The following GLI2 variants were observed in gnomAD, a reference collection of about 807,000 sequenced individuals.
GLI2 encodes the protein GLI family zinc finger 2, also known as transcription activator GLI2.
Under a neutral mutation model 78.9 loss-of-function variants are expected in GLI2, and 22 were observed. That is an observed-to-expected ratio of 0.28 (90% confidence interval 0.20 to 0.40). The LOEUF is 0.40. Ranked by LOEUF, GLI2 falls within the 10% of genes least tolerant of loss-of-function variation. The pLI is 1.00. For missense variants in GLI2, 2,097 were observed against 2,213.2 expected (o/e 0.95, Z 1.05); for synonymous variants, 974 against 963.7 (o/e 1.01, Z -0.20).
At chr2:120,745,256 T>C (rs2104625715) in intron 1 of GLI2, among the ~76,000 whole-genome samples, 1 of 152,360 alleles carries the variant, frequency 6.6e-6, no homozygotes, top group East Asian at 1.9e-4. Context: ...TCCTTTCTTT[T>C]TCCATGTAAG....
At chr2:120,841,840 G>T (rs1400232090) in intron 2 of GLI2, among the ~76,000 whole-genome samples, 1 of 101,254 alleles carries the variant, frequency 9.9e-6, no homozygotes, top group Non-Finnish European at 2.1e-5. Context: ...TTGCAAGCCA[G>T]TCTGGAGGGT....
intron 1 of GLI2, among the ~76,000 whole-genome samples, chr2:120,765,653 C>A (rs889757646): frequency 6.6e-6 from 1 of 152,252 alleles, no homozygotes; most frequent in African/African-American, 2.4e-5. Context: ...CTGACGCCCC[C>A]TCCATCAGGA....
chr2:120,900,134 G>A (rs1379468737), intron 2 of GLI2, among the ~76,000 whole-genome samples: 1 of 152,196 alleles, frequency 6.6e-6, no homozygotes, highest in Non-Finnish European at 1.5e-5. Flanking sequence ...GGGGGTGGGA[G>A]GGTGGTTACA....
chr2:120,877,336 G>A (rs183943923), intron 2 of GLI2, among the ~76,000 whole-genome samples: 19 of 152,256 alleles, frequency 1.2e-4, no homozygotes, highest in Admixed American at 1.2e-3. Flanking sequence ...TTTTGATGTG[G>A]CTTCAAAATG....
intron 2 of GLI2, among the ~76,000 whole-genome samples, chr2:120,834,418 C>T (rs1007153101): frequency 1.3e-5 from 2 of 152,148 alleles, no homozygotes; most frequent in South Asian, 2.1e-4. Context: ...AGACCTGGCC[C>T]TGGGGTGTTA....
chr2:120,798,121 C>T (rs1333738622), intron 2 of GLI2, among the ~76,000 whole-genome samples: 1 of 152,224 alleles, frequency 6.6e-6, no homozygotes, highest in Non-Finnish European at 1.5e-5. Flanking sequence ...CTATTTCTGT[C>T]TCGGAGGAAT....
At chr2:120,890,006 C>A (rs1270681773) in intron 2 of GLI2, among the ~76,000 whole-genome samples, 1 of 152,132 alleles carries the variant, frequency 6.6e-6, no homozygotes, top group Non-Finnish European at 1.5e-5. Context: ...AAAACCTGTA[C>A]ACAAATATTT....
chr2:120,886,171 T>A (rs1256402306), intron 2 of GLI2, among the ~76,000 whole-genome samples: 23 of 54,274 alleles, frequency 4.2e-4, no homozygotes, highest in Admixed American at 1.7e-4. Flanking sequence ...TGTGTGTGTG[T>A]GTGTGTGTGT....
At chr2:120,863,228 G>A (rs986454404) in intron 2 of GLI2, among the ~76,000 whole-genome samples, 1 of 152,232 alleles carries the variant, frequency 6.6e-6, no homozygotes, top group Non-Finnish European at 1.5e-5. Flanking sequence ...GTTCCCTAAA[G>A]AGGAGCAATT....
chr2:120,909,108 A>G (rs560288760), intron 2 of GLI2, among the ~76,000 whole-genome samples: 2 of 152,270 alleles, frequency 1.3e-5, no homozygotes, highest in South Asian at 4.1e-4. Context: ...CAGAAGCCAT[A>G]GGATTGTGGC....
chr2:120,752,752 G>A lies in GLI2; in HGVS notation c.-31+16467G>A, dbSNP rs112155029. Among the ~76,000 whole-genome samples the A allele has an allele frequency of 7.6e-3, 1,155 of 152,228 alleles. 13 individuals are homozygous for A. Among genetic ancestry groups the A allele is most frequent in the African/African-American group, 0.026 (1,087 of 41,526 alleles). On this transcript the variant is annotated intron_variant, in intron 1 of 13. Transcript: ENST00000361492. ...GTATCCTTCCTGAAATAAGTTTTGT[G>A]TAAGTGGCATGGAAATGAGTATATA...
chr2:120,969,381 A>T (rs1248553776), intron 6 of GLI2, among the ~76,000 whole-genome samples: 5 of 152,166 alleles, frequency 3.3e-5, no homozygotes, highest in Admixed American at 6.5e-5. Context: ...GTGCGGCTCT[A>T]GTCTGTCTGA....
At chr2:120,777,567 G>A (rs1683719770) in intron 1 of GLI2, among the ~76,000 whole-genome samples, 1 of 151,700 alleles carries the variant, frequency 6.6e-6, no homozygotes, top group Admixed American at 6.6e-5. Flanking sequence ...AAGCTTTGGG[G>A]GGTCTCTGCA....
intron 2 of GLI2, among the ~76,000 whole-genome samples, chr2:120,836,282 A>G (rs1686607084): frequency 6.6e-6 from 1 of 152,180 alleles, no homozygotes; most frequent in African/African-American, 2.4e-5. Context: ...GTAAATGCCC[A>G]TACAGGGTGG....
chr2:120,929,630 T>C (rs1424243446), intron 3 of GLI2, among the ~76,000 whole-genome samples: 3 of 152,258 alleles, frequency 2.0e-5, no homozygotes, highest in Admixed American at 6.5e-5. Flanking sequence ...TTTATTGTGT[T>C]CTTCCAGTTG....
At chr2:120,745,025 G>A (rs1467669388) in intron 1 of GLI2, among the ~76,000 whole-genome samples, 2 of 152,216 alleles carry the variant, frequency 1.3e-5, no homozygotes, top group South Asian at 2.1e-4. Flanking sequence ...AGCTGTTGCA[G>A]CAAGGAAACT....
intron 1 of GLI2, among the ~76,000 whole-genome samples, chr2:120,755,558 T>A (rs1012551334): frequency 3.7e-4 from 56 of 152,162 alleles, no homozygotes; most frequent in Admixed American, 5.9e-4. Flanking sequence ...CCTAACAGTG[T>A]CTTTTGTAGA....
In GLI2 at chr2:120,975,090, C is replaced by T; in HGVS notation, c.1298C>T (p.Thr433Ile). ...GAAGACTGCACCAAGGAGTACGACA[C>T]CCAGGAGCAGCTGGTGCATGTAAGC... ...HWEDCTKEYD[T>I]QEQLVHHINN... The change falls in exon 9 of 14, where the codon ACC becomes ATC. Residue 433 changes from threonine to isoleucine, a missense_variant. Physicochemically the swap from Thr to Ile is moderately conservative, Grantham distance 89. This residue lies in a region of GLI2 where 578 missense variants were observed against 612.0 expected (regional missense o/e 0.94). Transcript: ENST00000361492. 6.2e-7 allele frequency: 1 copy of T among 1,613,980 alleles called. No homozygotes were observed. Among genetic ancestry groups the T allele is most frequent in the Non-Finnish European group, 8.5e-7 (1 of 1,180,036 alleles).
rs549477817 is a variant in GLI2 at position 120,958,849 on chromosome 2, A to G, written c.643+3419A>G. 8.8e-4 allele frequency among the ~76,000 whole-genome samples: 134 copies of G among 152,226 alleles called. No individual in the cohort carries two copies. The South Asian group carries it at 8.9e-3, about 10-fold the overall frequency. Reference sequence around the variant, plus strand: ...ACTAGCGGGACCCAAGGCGCCCCCAACTGGAACTGGCTGGGACTTCTCCTT... The same window carrying G: ...ACTAGCGGGACCCAAGGCGCCCCCAGCTGGAACTGGCTGGGACTTCTCCTT... On this transcript the variant is annotated intron_variant, in intron 5 of 13. Coordinates refer to ENST00000361492, the MANE Select transcript of GLI2 (RefSeq NM_001374353.1).
Sources: allele counts gnomAD v4.1 joint callset (sites outside exome capture counted in the v4.1 genomes callset), GRCh38; gene constraint gnomAD v4.1.1; regional missense constraint gnomAD v4.1.1; transcripts MANE v1.5; gene names NCBI Gene and HGNC (gene_info 2026-07-23, HGNC 2026-07-21).